The following IQCJ variants were observed in gnomAD, a reference collection of about 807,000 sequenced individuals.
IQCJ encodes the protein IQ domain-containing protein J.
In IQCJ, 9 loss-of-function variants were observed where a neutral mutation model predicts 11.0. The ratio of observed to expected loss-of-function variants is 0.82; its 90% CI spans 0.49 to 1.43. IQCJ has a LOEUF of 1.43. Ranked by LOEUF, IQCJ falls within the 40% of genes most tolerant of loss-of-function variation. The pLI is 0.00. For synonymous variants in IQCJ, 55 were observed against 51.3 expected (o/e 1.07, Z -0.31); for missense variants, 146 against 133.2 (o/e 1.10, Z -0.47).
intron 1 of IQCJ, among the ~76,000 whole-genome samples, chr3:159,103,875 C>T (rs906521206): frequency 4.6e-5 from 7 of 152,306 alleles, no homozygotes; most frequent in East Asian, 1.9e-4. Context: ...TGTAGTTTTC[C>T]GTTTTGAAAT....
Position 159,107,024 on chromosome 3 carries a change from A to G in IQCJ, c.9+37583A>G, listed in dbSNP as rs1418092355. On this transcript the variant is annotated intron_variant, in intron 1 of 3. Coordinates refer to ENST00000397832, the MANE Select transcript of IQCJ (RefSeq NM_001042706.3). The stretch of plus-strand genomic sequence containing the variant: ...GAAGTCAAATATTCTGTTGTTCTGC[A>G]AATTATGACCCCTACTTTTTTTTCT... 2.6e-5 allele frequency among the ~76,000 whole-genome samples: 4 copies of G among 152,332 alleles called. No homozygotes were observed. In the East Asian group the frequency reaches 7.7e-4, roughly 29 times the overall value.
rs1348744879 is a variant in IQCJ at position 159,263,488 on chromosome 3, G to T, written c.*757G>T. On this transcript the variant is annotated 3_prime_UTR_variant, in exon 4 of 4. Coordinates refer to ENST00000397832, the MANE Select transcript of IQCJ (RefSeq NM_001042706.3). ...AAGTGGGAAGAAATCAGTGATGAGG[G>T]ATTTATGAACCAGGATTTTGTGGAT... is the stretch of plus-strand genomic sequence containing the variant. 1.0e-6 allele frequency: 1 copy of T among 984,038 alleles called. No homozygotes were observed. The highest frequency in any genetic ancestry group is 1.2e-6 in the Non-Finnish European group (1 of 828,838). The allele number at this position is 984,038 out of a possible 1,614,324, so 61.0% of individuals were successfully genotyped here. A position where few individuals can be genotyped will look rare whatever the true frequency, so the allele number is the denominator to read the frequency against.
intron 1 of IQCJ, among the ~76,000 whole-genome samples, chr3:159,129,788 C>T (rs1353393348): frequency 6.6e-6 from 1 of 152,076 alleles, no homozygotes; most frequent in Admixed American, 6.5e-5. Context: ...CAGAGATATC[C>T]CCTAGGCATG....
chr3:159,160,071 A>G (rs778891475), intron 1 of IQCJ, among the ~76,000 whole-genome samples: 8 of 152,210 alleles, frequency 5.3e-5, no homozygotes, highest in African/African-American at 9.6e-5. Flanking sequence ...AAATGGCTCA[A>G]ATGACATAAA....
At chr3:159,188,007 A>T (rs560387334) in intron 1 of IQCJ, among the ~76,000 whole-genome samples, 5 of 152,226 alleles carry the variant, frequency 3.3e-5, no homozygotes, top group Non-Finnish European at 7.3e-5. Flanking sequence ...GCTACCGACC[A>T]GAGAGGTGAT....
chr3:159,095,032 G>C (rs908004527), intron 1 of IQCJ, among the ~76,000 whole-genome samples: 2 of 151,764 alleles, frequency 1.3e-5, no homozygotes, highest in African/African-American at 4.9e-5. Context: ...GCAACCCAAG[G>C]ATTAGTTCTT....
intron 3 of IQCJ, among the ~76,000 whole-genome samples, chr3:159,260,081 G>A (rs1728114884): frequency 6.6e-6 from 1 of 152,020 alleles, no homozygotes; most frequent in Non-Finnish European, 1.5e-5. Context: ...CCATTAACTA[G>A]GAAGAAAATA....
chr3:159,126,925 T>C (rs1379797489), intron 1 of IQCJ, among the ~76,000 whole-genome samples: 8 of 152,184 alleles, frequency 5.3e-5, no homozygotes, highest in East Asian at 3.9e-4. Context: ...CAAAGACCAA[T>C]GACTGACATA....
At chr3:159,072,657 G>C (rs953152681) in intron 1 of IQCJ, among the ~76,000 whole-genome samples, 1 of 152,030 alleles carries the variant, frequency 6.6e-6, no homozygotes, top group African/African-American at 2.4e-5. Context: ...TATTTATTGA[G>C]TATTTACTAT....
At chr3:159,139,858 C>T (rs1001342485) in intron 1 of IQCJ, among the ~76,000 whole-genome samples, 1 of 152,154 alleles carries the variant, frequency 6.6e-6, no homozygotes, top group South Asian at 2.1e-4. Flanking sequence ...TGGTATTATG[C>T]CCATTTGCCT....
intron 1 of IQCJ, among the ~76,000 whole-genome samples, chr3:159,168,806 G>A (rs1047827390): frequency 1.3e-5 from 2 of 150,098 alleles, no homozygotes; most frequent in Admixed American, 6.6e-5. Flanking sequence ...TAAGCCATAT[G>A]TTAAAAAAAA....
intron 1 of IQCJ, among the ~76,000 whole-genome samples, chr3:159,204,358 C>T (rs1224027296): frequency 2.6e-5 from 4 of 152,170 alleles, no homozygotes; most frequent in Non-Finnish European, 5.9e-5. Context: ...TTTCCTGGTT[C>T]TTCTCTAGAT....
At chr3:159,163,387 A>G (rs1278791028) in intron 1 of IQCJ, among the ~76,000 whole-genome samples, 1 of 152,216 alleles carries the variant, frequency 6.6e-6, no homozygotes, top group East Asian at 1.9e-4. Context: ...TTCATGCTAA[A>G]AACTCTCAAT....
At chr3:159,078,080 C>T (rs927034166) in intron 1 of IQCJ, among the ~76,000 whole-genome samples, 6 of 75,456 alleles carry the variant, frequency 8.0e-5, no homozygotes, top group Non-Finnish European at 2.7e-4. Flanking sequence ...AGTCCTGTGG[C>T]AAAATTTCCT....
intron 1 of IQCJ, among the ~76,000 whole-genome samples, chr3:159,132,435 T>C (rs1353489814): frequency 6.6e-6 from 1 of 152,196 alleles, no homozygotes; most frequent in Non-Finnish European, 1.5e-5. Flanking sequence ...ACAATTAATT[T>C]TATAGCATCT....
intron 1 of IQCJ, among the ~76,000 whole-genome samples, chr3:159,092,169 TA>T (rs1444884169): frequency 6.6e-6 from 1 of 151,798 alleles, no homozygotes; most frequent in Non-Finnish European, 1.5e-5. Flanking sequence ...TGAGTTGCAG[TA>T]AGATGAATAC....
chr3:159,113,003 G>C (rs1300161027), intron 1 of IQCJ, among the ~76,000 whole-genome samples: 3 of 152,202 alleles, frequency 2.0e-5, no homozygotes, highest in African/African-American at 7.2e-5. Flanking sequence ...TGTAATGTGT[G>C]ATTAATTTGG....
intron 1 of IQCJ, among the ~76,000 whole-genome samples, chr3:159,160,124 A>G (rs76562833): frequency 0.029 from 4,416 of 152,052 alleles, 206 homozygotes; most frequent in African/African-American, 0.1. Flanking sequence ...ACTCTTCTGT[A>G]TTTTCTATTT....
intron 3 of IQCJ, among the ~76,000 whole-genome samples, chr3:159,260,529 C>G (rs1304233979): frequency 6.6e-6 from 1 of 152,086 alleles, no homozygotes; most frequent in Non-Finnish European, 1.5e-5. Flanking sequence ...CTGGGATACC[C>G]CAAGCAACTC....
Sources: allele counts gnomAD v4.1 joint callset (sites outside exome capture counted in the v4.1 genomes callset), GRCh38; gene constraint gnomAD v4.1.1; transcripts MANE v1.5; gene names NCBI Gene and HGNC (gene_info 2026-07-23, HGNC 2026-07-21).